EPHB1: variants seen among roughly 807,000 people sequenced by gnomAD.
EPHB1 encodes the protein EPH receptor B1.
EPHB1 carries 30 observed loss-of-function variants against 94.4 expected under a neutral mutation model. That is an observed-to-expected ratio of 0.32 (90% CI 0.24 to 0.43). The LOEUF is 0.43. Ranked by LOEUF, EPHB1 falls within the 20% of genes least tolerant of loss-of-function variation. The pLI, the probability that EPHB1 is intolerant of heterozygous loss-of-function variation, is 1.00. For synonymous variants in EPHB1, 522 were observed against 489.1 expected (o/e 1.07, Z -0.89); for missense variants, 1,055 against 1,308.3 (o/e 0.81, Z 2.99).
chr3:135,050,296 C>T (rs73864239), intron 3 of EPHB1, among the ~76,000 whole-genome samples: 1,921 of 152,332 alleles, frequency 0.013, 49 homozygotes, highest in African/African-American at 0.044. Flanking sequence ...TGACCACCTA[C>T]AGCCACTGTT....
At chr3:135,066,574 T>C (rs1423270041) in intron 3 of EPHB1, among the ~76,000 whole-genome samples, 10 of 152,240 alleles carry the variant, frequency 6.6e-5, no homozygotes, top group Admixed American at 6.5e-4. Flanking sequence ...ATGCTGTGTA[T>C]TTCCTCAAAT....
At position 135,248,592 on chromosome 3, in the gene EPHB1, G is replaced by C. The variant is rs890868538; in HGVS notation, c.2690+83G>C. On this transcript the variant is annotated intron_variant, in intron 14 of 15. Transcript: ENST00000398015. ...GCCAGCAGCCTCTGACCATGATCATGTTCGAATTTTTTAAAGAGTATCTAG... is the reference window on the plus strand; with the variant it reads ...GCCAGCAGCCTCTGACCATGATCATCTTCGAATTTTTTAAAGAGTATCTAG... 9 of 1,402,970 alleles carry C rather than the reference G, an allele frequency of 6.4e-6. No homozygotes were observed. The East Asian group carries it at 1.0e-4, about 16-fold the overall frequency. 86.9% of individuals were successfully genotyped at this position (1,402,970 alleles called of 1,614,324 possible). A position where few individuals can be genotyped will look rare whatever the true frequency, so the allele number is the denominator to read the frequency against.
In EPHB1 at chr3:134,882,779, T is replaced by C. The variant is rs1443780345; in HGVS notation, c.59-43037T>C. Among the ~76,000 whole-genome samples the C allele has an allele frequency of 1.4e-3, 19 of 13,122 alleles. 2 individuals are homozygous for C. The highest frequency in any genetic ancestry group is 4.9e-3 in the Admixed American group (2 of 412). 8.6% of individuals were successfully genotyped at this position (13,122 alleles called of 152,430 possible). ...CTTCCTTCCTTCCTTTCTTTCTTTC[T>C]TTCTTTCTTTCTTTCTTTCTTTCTT... On this transcript the variant is annotated intron_variant, in intron 1 of 15. Transcript: ENST00000398015.
At chr3:135,035,018 T>C (rs572848968) in intron 3 of EPHB1, among the ~76,000 whole-genome samples, 1 of 152,356 alleles carries the variant, frequency 6.6e-6, no homozygotes, top group South Asian at 2.1e-4. Flanking sequence ...CTACCCAGGC[T>C]GGAGTAATCT....
intron 1 of EPHB1, among the ~76,000 whole-genome samples, chr3:134,914,308 T>C (rs1039392349): frequency 2.6e-5 from 4 of 152,228 alleles, no homozygotes; most frequent in Non-Finnish European, 4.4e-5. Context: ...AACTACCACT[T>C]GTCAGAGGCT....
At chr3:135,215,252 C>T (rs890925066) in intron 12 of EPHB1, among the ~76,000 whole-genome samples, 4 of 152,050 alleles carry the variant, frequency 2.6e-5, no homozygotes, top group Admixed American at 2.0e-4. Flanking sequence ...CAACCTCCAC[C>T]TCCTGGGTTC....
At chr3:135,055,481 A>G (rs1473774638) in intron 3 of EPHB1, among the ~76,000 whole-genome samples, 4 of 152,224 alleles carry the variant, frequency 2.6e-5, no homozygotes, top group Non-Finnish European at 5.9e-5. Flanking sequence ...ACCAAGGTAC[A>G]GGAAGATAAG....
At chr3:135,258,905 T>G in intron 15 of EPHB1, 107 bp from the exon 16 acceptor site, 2 of 1,002,286 alleles carry the variant, frequency 2.0e-6, no homozygotes, top group Non-Finnish European at 1.5e-6. Flanking sequence ...TAGTTGGATT[T>G]TTGTAGCATG....
chr3:134,983,202 G>A lies in EPHB1; in HGVS notation c.805+31150G>A, dbSNP rs115647930. 5.5e-3 allele frequency among the ~76,000 whole-genome samples: 837 copies of A among 152,306 alleles called. 7 individuals carry two copies. The highest frequency in any genetic ancestry group is 0.019 in the African/African-American group (782 of 41,566). ...TGTCTGTGTTCACTCCTTCATTGGC[G>A]AGTGTGTGTGTACCCCTGAATATGC... On this transcript the variant is annotated intron_variant, in intron 3 of 15. Coordinates refer to ENST00000398015, the MANE Select transcript of EPHB1 (RefSeq NM_004441.5).
intron 1 of EPHB1, among the ~76,000 whole-genome samples, chr3:134,854,055 C>T (rs1390899299): frequency 6.6e-6 from 1 of 152,160 alleles, no homozygotes; most frequent in Non-Finnish European, 1.5e-5. Flanking sequence ...CCCAAGGCTC[C>T]AATGCCAAAA....
intron 15 of EPHB1, among the ~76,000 whole-genome samples, chr3:135,255,208 T>G (rs1477707561): frequency 6.6e-6 from 1 of 152,038 alleles, no homozygotes; most frequent in African/African-American, 2.4e-5. Context: ...ATGTCTCTAT[T>G]TCCTTCAGTT....
chr3:134,985,079 C>G (rs1934549949), intron 3 of EPHB1, among the ~76,000 whole-genome samples: 1 of 152,132 alleles, frequency 6.6e-6, no homozygotes, highest in African/African-American at 2.4e-5. Context: ...CAGTTCCTGA[C>G]TCTTGGTTTC....
chr3:135,098,778 G>A (rs574049826), intron 3 of EPHB1, among the ~76,000 whole-genome samples: 5 of 152,120 alleles, frequency 3.3e-5, no homozygotes, highest in African/African-American at 9.6e-5. Flanking sequence ...TTGGGAAGCC[G>A]AGGCGGATGG....
chr3:134,896,946 T>C (rs913832537), intron 1 of EPHB1, among the ~76,000 whole-genome samples: 1 of 152,208 alleles, frequency 6.6e-6, no homozygotes, highest in Non-Finnish European at 1.5e-5. Flanking sequence ...GTGAGTGTCA[T>C]GCTCCTTGCG....
chr3:134,800,605 G>A (rs1021773397), intron 1 of EPHB1, among the ~76,000 whole-genome samples: 3 of 152,144 alleles, frequency 2.0e-5, no homozygotes, highest in African/African-American at 7.2e-5. Context: ...CCTGATGTAT[G>A]TGCTTCCTGG....
intron 15 of EPHB1, among the ~76,000 whole-genome samples, chr3:135,257,798 G>A (rs1282653599): frequency 1.3e-5 from 2 of 151,990 alleles, no homozygotes; most frequent in Non-Finnish European, 2.9e-5. Context: ...AATGGTGGGC[G>A]CCCCTCCCCC....
chr3:134,949,141 A>G (rs932355093), intron 2 of EPHB1, among the ~76,000 whole-genome samples: 2 of 152,136 alleles, frequency 1.3e-5, no homozygotes, highest in Non-Finnish European at 2.9e-5. Context: ...TGCTGAGACT[A>G]TCCAGGATAG....
intron 3 of EPHB1, among the ~76,000 whole-genome samples, chr3:135,022,263 C>A (rs1341084742): frequency 6.6e-6 from 1 of 152,226 alleles, no homozygotes; most frequent in African/African-American, 2.4e-5. Context: ...AGCCACCGCG[C>A]CCGGCCTGTT....
Position 134,870,649 on chromosome 3 carries a change from A to G in EPHB1, c.59-55167A>G, listed in dbSNP as rs182943262. The stretch of plus-strand genomic sequence containing the variant: ...GCAGCACAGCCTGATATCAACTGTG[A>G]CATGCTGGGACAACCTAACCTCCGA... On this transcript the variant is annotated intron_variant, in intron 1 of 15. Coordinates refer to ENST00000398015, the MANE Select transcript of EPHB1 (RefSeq NM_004441.5). 2.6e-3 allele frequency among the ~76,000 whole-genome samples: 394 copies of G among 152,368 alleles called. 2 individuals carry two copies. The highest frequency in any genetic ancestry group is 9.1e-3 in the African/African-American group (379 of 41,588).
Sources: gnomAD v4.1 joint callset for allele counts (sites outside exome capture counted in the v4.1 genomes callset) on GRCh38, gnomAD v4.1.1 for gene constraint, MANE v1.5 for transcripts, NCBI Gene and HGNC (gene_info 2026-07-23, HGNC 2026-07-21) for gene names.